Variants in JAKMIP3 observed in about 807,000 individuals in gnomAD.
JAKMIP3 encodes the protein Janus kinase and microtubule interacting protein 3.
JAKMIP3 carries 58 observed loss-of-function variants against 118.5 expected under a neutral mutation model. That is an observed-to-expected ratio of 0.49 (90% CI 0.40 to 0.61). JAKMIP3 has a LOEUF of 0.61. JAKMIP3 is among the 20% of genes least tolerant of loss of function. JAKMIP3 has a pLI of 0.00. For synonymous variants in JAKMIP3, 486 were observed against 451.2 expected, an observed-to-expected ratio of 1.08 and a Z score of -0.98; for missense variants, 950 against 1,109.0, an observed-to-expected ratio of 0.86 and a Z score of 2.04.
At chr10:132,150,133 C>A in intron 16 of JAKMIP3, 92 bp downstream of exon 16, 1 of 1,024,434 alleles carries the variant, frequency 9.8e-7, no homozygotes, top group Non-Finnish European at 1.4e-6. Context: ...CAGCCTCCCA[C>A]AGCCCTGCCA....
rs536684181 is a variant in JAKMIP3 at position 132,148,822 on chromosome 10, C to A, written c.1849-590C>A. On this transcript the variant is annotated intron_variant, in intron 14 of 23. Transcript: ENST00000684848. ...TGGGGCTGGGAGGAAGTGGCCCACACAGGGGCCGCCCCTGCCGAGCACCAC... is the reference window on the plus strand; with the variant it reads ...TGGGGCTGGGAGGAAGTGGCCCACAAAGGGGCCGCCCCTGCCGAGCACCAC... Among the ~76,000 whole-genome samples the A allele has an allele frequency of 3.3e-5, 5 of 152,270 alleles. No homozygotes were observed. The South Asian group carries it at 1.0e-3, about 32-fold the overall frequency.
chr10:132,168,317 CCT>C lies in JAKMIP3; in HGVS notation c.*394_*395del, dbSNP rs1429961778. ...CAGAAGCACCAGCCGCGGGTCCCCT[CCT>C]CTCTCTTGGTTCTCACAGTAGCTGC... is the stretch of plus-strand genomic sequence containing the variant. On this transcript the variant is annotated 3_prime_UTR_variant, in exon 23 of 24. Transcript: ENST00000684848. The C allele has an allele frequency of 5.4e-6, 7 of 1,289,396 alleles. No individual in the cohort carries two copies. The highest frequency in any genetic ancestry group is 1.5e-5 in the African/African-American group (1 of 65,842). 79.9% of individuals were successfully genotyped at this position (1,289,396 alleles called of 1,614,324 possible).
chr10:132,148,410 C>A (rs1564963206), intron 14 of JAKMIP3, among the ~76,000 whole-genome samples: 1 of 152,176 alleles, frequency 6.6e-6, no homozygotes, highest in Non-Finnish European at 1.5e-5. Context: ...GCAGCATCTG[C>A]TCCAGACCTG....
At chr10:132,174,435 G>C (rs374772160) in intron 23 of JAKMIP3, among the ~76,000 whole-genome samples, 1 of 151,830 alleles carries the variant, frequency 6.6e-6, no homozygotes, top group African/African-American at 2.4e-5. Context: ...AGTGGGCTCC[G>C]TGGGCTCTGT....
At chr10:132,107,701 T>A in intron 2 of JAKMIP3, among the ~76,000 whole-genome samples, 1 of 152,058 alleles carries the variant, frequency 6.6e-6, no homozygotes, top group East Asian at 1.9e-4. Context: ...CCTCTTGGAG[T>A]CAGTTCCACG....
At chr10:132,054,832 C>T (rs977860492) in intron 1 of JAKMIP3, among the ~76,000 whole-genome samples, 3 of 152,210 alleles carry the variant, frequency 2.0e-5, no homozygotes, top group East Asian at 1.9e-4. Flanking sequence ...CCTGAGCCAG[C>T]CCTGGCCCTG....
At chr10:132,086,722 A>T (rs888278818) in intron 1 of JAKMIP3, among the ~76,000 whole-genome samples, 1 of 151,652 alleles carries the variant, frequency 6.6e-6, no homozygotes, top group Non-Finnish European at 1.5e-5. Context: ...GTCTTTTTCC[A>T]CCCCTTTACC....
intron 1 of JAKMIP3, among the ~76,000 whole-genome samples, chr10:132,070,012 C>T (rs1347873856): frequency 2.0e-5 from 3 of 152,108 alleles, no homozygotes; most frequent in Admixed American, 6.5e-5. Flanking sequence ...GGCAGGTGGC[C>T]GGTGGCATCA....
intron 23 of JAKMIP3, among the ~76,000 whole-genome samples, chr10:132,177,774 G>C (rs115353148): frequency 0.029 from 4,405 of 149,328 alleles, 221 homozygotes; most frequent in African/African-American, 0.1. Flanking sequence ...ACCTGCTCCT[G>C]TGTCCTGGGT....
chr10:132,128,128 G>A (rs2049966318), intron 3 of JAKMIP3, among the ~76,000 whole-genome samples: 1 of 152,164 alleles, frequency 6.6e-6, no homozygotes, highest in Non-Finnish European at 1.5e-5. Context: ...CTCTACTTTT[G>A]TCTAAGGACA....
chr10:132,126,012 C>T (rs1351926464), intron 3 of JAKMIP3, among the ~76,000 whole-genome samples: 1 of 152,168 alleles, frequency 6.6e-6, no homozygotes, highest in Admixed American at 6.5e-5. Flanking sequence ...GCAGTCCTCC[C>T]GCCTCACGTC....
intron 12 of JAKMIP3, 28 bp downstream of exon 12, chr10:132,145,218 TG>T: frequency 6.4e-7 from 1 of 1,563,728 alleles, no homozygotes; most frequent in Non-Finnish European, 8.7e-7. Flanking sequence ...TGCACGGGCG[TG>T]GGGGCACACG....
intron 23 of JAKMIP3, among the ~76,000 whole-genome samples, chr10:132,177,613 T>C (rs1348989226): frequency 1.4e-5 from 2 of 146,638 alleles, no homozygotes; most frequent in Non-Finnish European, 3.0e-5. Context: ...ACACTGTGCA[T>C]TTGGCCATGG....
intron 23 of JAKMIP3, among the ~76,000 whole-genome samples, chr10:132,180,529 GTGTGTGTGTGTGTGTGCGTGCGTGCA>G (rs2137166682): frequency 2.8e-5 from 1 of 36,028 alleles, no homozygotes; most frequent in African/African-American, 1.8e-4. Context: ...AGAACTGTGT[GTGTGTGTGTGTGTGTGCGTGCGTGCA>G]TGCGTGTGTG....
At chr10:132,180,897 G>C (rs1183956469) in intron 23 of JAKMIP3, among the ~76,000 whole-genome samples, 6 of 152,202 alleles carry the variant, frequency 3.9e-5, no homozygotes, top group African/African-American at 1.2e-4. Flanking sequence ...ATGTGTATGT[G>C]TTGTGCATTG....
intron 1 of JAKMIP3, among the ~76,000 whole-genome samples, chr10:132,084,884 CT>C (rs1466801393): frequency 6.6e-6 from 1 of 152,046 alleles, no homozygotes; most frequent in East Asian, 1.9e-4. Flanking sequence ...ATTTATTGAC[CT>C]GCATATGTTA....
At chr10:132,097,751 GTTTTT>G (rs71010000) in intron 1 of JAKMIP3, among the ~76,000 whole-genome samples, 1 of 147,010 alleles carries the variant, frequency 6.8e-6, no homozygotes, top group African/African-American at 2.5e-5. Flanking sequence ...CAAACTAAAA[GTTTTT>G]TTTTTTTTTT....
At chr10:132,055,530 T>C (rs2133826128) in intron 1 of JAKMIP3, among the ~76,000 whole-genome samples, 1 of 152,262 alleles carries the variant, frequency 6.6e-6, no homozygotes, top group East Asian at 1.9e-4. Flanking sequence ...CAGGCCATGA[T>C]GAAATGGGAT....
intron 3 of JAKMIP3, among the ~76,000 whole-genome samples, chr10:132,129,892 T>TA (rs397792383): frequency 2.1e-4 from 30 of 145,196 alleles, no homozygotes; most frequent in Non-Finnish European, 4.0e-4. Flanking sequence ...TTTTTTTTTT[T>TA]CCTTCAGAAA....
Sources: gnomAD v4.1 joint callset for allele counts (sites outside exome capture counted in the v4.1 genomes callset) on GRCh38, gnomAD v4.1.1 for gene constraint, MANE v1.5 for transcripts, NCBI Gene and HGNC (gene_info 2026-07-23, HGNC 2026-07-21) for gene names.